Variants in SNRNP200 observed in about 807,000 individuals in gnomAD.
The protein encoded by SNRNP200 is U5 small nuclear ribonucleoprotein 200 kDa helicase.
Under a neutral mutation model 255.2 loss-of-function variants are expected in SNRNP200, and 66 were observed. That is an observed-to-expected ratio of 0.26 (90% CI 0.21 to 0.32). The LOEUF is 0.32. Among genes scored for constraint, SNRNP200 ranks in the 10% least tolerant of loss-of-function variants. SNRNP200 has a pLI of 1.00. For missense variants in SNRNP200, 1,585 were observed against 2,749.8 expected, an observed-to-expected ratio of 0.58 and a Z score of 9.47; for synonymous variants, 939 against 1,027.8, an observed-to-expected ratio of 0.91 and a Z score of 1.65.
At chr2:96,279,636 C>A in intron 35 of SNRNP200, 77 bp from the exon 36 acceptor site, 4 of 878,348 alleles carry the variant, frequency 4.6e-6, no homozygotes, top group South Asian at 4.2e-5. Context: ...ACTCCCTTCG[C>A]CAAGTAAGAG....
intron 13 of SNRNP200, among the ~76,000 whole-genome samples, chr2:96,296,070 C>T (rs2063915095): frequency 6.6e-6 from 1 of 152,066 alleles, no homozygotes; most frequent in Non-Finnish European, 1.5e-5. Context: ...GAAGTTAAGG[C>T]TGCAGTGAGC....
At chr2:96,302,549 G>A (rs895592862) in intron 3 of SNRNP200, among the ~76,000 whole-genome samples, 5 of 152,188 alleles carry the variant, frequency 3.3e-5, no homozygotes, top group African/African-American at 1.2e-4. Context: ...GTGGACACAA[G>A]CTGGGGGTCC....
rs548219706 is a variant in SNRNP200 at position 96,286,768 on chromosome 2, T to C, written c.3749A>G (p.His1250Arg). ...LLKAKYAQDE[H>R]LITFFVPVFE... ...GACAGGCACGAAGAATGTAATGAGG[T>C]GCTCGTCCTGGGCGTACTTGGCCTT... is the stretch of plus-strand genomic sequence containing the variant. The change falls in exon 28 of 45, where the codon CAC becomes CGC. Residue 1250 changes from histidine (H) to arginine (R), a missense_variant. His to Arg is a conservative substitution (Grantham distance 29). Coordinates refer to ENST00000323853, the MANE Select transcript of SNRNP200 (RefSeq NM_014014.5). This position sits in a 1 kb window ranked among gnomAD's most constrained non-coding sequence, Gnocchi z 4.8. The C allele has an allele frequency of 6.2e-7, 1 of 1,614,128 alleles. No homozygotes were observed. The highest frequency in any genetic ancestry group is 8.5e-7 in the Non-Finnish European group (1 of 1,180,022).
intron 24 of SNRNP200, among the ~76,000 whole-genome samples, 175 bp from the exon 25 acceptor site, chr2:96,288,144 G>A (rs1352702752): frequency 2.0e-5 from 3 of 152,154 alleles, no homozygotes; most frequent in African/African-American, 2.4e-5. Context: ...GATGCTTGCC[G>A]GATGGGGAAC....
At chr2:96,279,614 T>G (rs1684726142) in intron 35 of SNRNP200, 55 bp from the exon 36 acceptor site, 5 of 1,177,460 alleles carry the variant, frequency 4.2e-6, no homozygotes, top group Non-Finnish European at 6.3e-6. Flanking sequence ...GAGACCATGC[T>G]CAGGAAGCCC....
In SNRNP200 at chr2:96,277,778, G is replaced by A. The variant is rs1405765058; in HGVS notation, c.5754+29C>T. On this transcript the variant is annotated intron_variant, in intron 40 of 44. Transcript: ENST00000323853. This position sits in a 1 kb window ranked among gnomAD's most constrained non-coding sequence, Gnocchi z 4.4. ...GAGCTGAGATGTTTAGAGCACCACTGACCCCTCTGCCCCACACCCACACTC... is the reference window on the plus strand; with the variant it reads ...GAGCTGAGATGTTTAGAGCACCACTAACCCCTCTGCCCCACACCCACACTC... 1.2e-5 allele frequency: 20 copies of A among 1,614,128 alleles called. No homozygotes were observed. Among genetic ancestry groups the A allele is most frequent in the Non-Finnish European group, 1.6e-5 (19 of 1,180,010 alleles).
chr2:96,286,318 C>T lies in SNRNP200; in HGVS notation c.3996G>A (p.Gln1332=). ...AGGGATGGAAACACTTACCCTGGGT[C>T]TGGATGGGATTGAAGAAAGGAAATT... ...QDKFPFFNPI[Q]TQVFNTVYNS... The change falls in exon 29 of 45, where the codon CAG becomes CAA. Residue 1332 remains glutamine, a synonymous_variant. Coordinates refer to ENST00000323853, the MANE Select transcript of SNRNP200 (RefSeq NM_014014.5). The surrounding 1 kb of genome is among the most constrained non-coding windows in gnomAD (Gnocchi z 4.8). 1 of 1,613,994 alleles carries T rather than the reference C, an allele frequency of 6.2e-7. No homozygotes were observed.
In SNRNP200 at chr2:96,286,119, T is replaced by C. The variant is rs1361675015; in HGVS notation, c.4003+192A>G. On this transcript the variant is annotated intron_variant, in intron 29 of 44. Coordinates refer to ENST00000323853, the MANE Select transcript of SNRNP200 (RefSeq NM_014014.5). The surrounding 1 kb of genome is among the most constrained non-coding windows in gnomAD (Gnocchi z 4.8). Reference sequence around the variant, plus strand: ...GCCTTGCTCTATTGCCCCTCCACAGTGACACATGCAGAGCAGCAAAGCAAC... The same window carrying C: ...GCCTTGCTCTATTGCCCCTCCACAGCGACACATGCAGAGCAGCAAAGCAAC... Among the ~76,000 whole-genome samples, 1 of 152,084 alleles carries C rather than the reference T, an allele frequency of 6.6e-6. No individual in the cohort carries two copies. Among genetic ancestry groups the C allele is most frequent in the East Asian group, 1.9e-4 (1 of 5,196 alleles).
At position 96,274,920 on chromosome 2, in the gene SNRNP200, C is replaced by T; in HGVS notation, c.*92G>A. Reference sequence around the variant, plus strand: ...CCTGGCTGGCCAGACCTGAGGCCCACAGACCTGGTCCCCACAACCAGGATT... The same window carrying T: ...CCTGGCTGGCCAGACCTGAGGCCCATAGACCTGGTCCCCACAACCAGGATT... On this transcript the variant is annotated 3_prime_UTR_variant, in exon 45 of 45. Coordinates refer to ENST00000323853, the MANE Select transcript of SNRNP200 (RefSeq NM_014014.5). 6.7e-7 allele frequency: 1 copy of T among 1,503,126 alleles called. No individual in the cohort carries two copies. Among genetic ancestry groups the T allele is most frequent in the Non-Finnish European group, 9.2e-7 (1 of 1,085,136 alleles). 93.1% of individuals were successfully genotyped at this position (1,503,126 alleles called of 1,614,324 possible).
chr2:96,296,845 G>A (rs772926296), intron 12 of SNRNP200, 88 bp downstream of exon 12: 51 of 1,572,436 alleles, frequency 3.2e-5, no homozygotes, highest in Non-Finnish European at 4.5e-5. Context: ...CAAAGAATTA[G>A]GGGGTGGGGG....
intron 3 of SNRNP200, 37 bp downstream of exon 3, chr2:96,303,122 T>C: frequency 1.2e-6 from 2 of 1,605,920 alleles, no homozygotes; most frequent in South Asian, 2.2e-5. Context: ...GAAAATGAAA[T>C]AAAGACCTAA....
chr2:96,289,081 C>A lies in SNRNP200; in HGVS notation c.3130G>T (p.Val1044Leu), dbSNP rs755983089. The A allele has an allele frequency of 1.6e-4, 257 of 1,613,278 alleles. No homozygotes were observed. The highest frequency in any genetic ancestry group is 2.1e-4 in the Non-Finnish European group (250 of 1,179,762). Residue 1044 changes from valine to leucine, a missense_variant, in exon 23 of 45, where the codon GTG becomes TTG. Physicochemically the swap from Val to Leu is conservative, Grantham distance 32. Around this residue, in one of 9 missense-constraint regions of SNRNP200, gnomAD observed 719 missense variants for 1,091.1 expected, o/e 0.66. Transcript: ENST00000323853. ...ATGCTCTCCTTTACAGGGATAGGCACCCTCTCCAGCAACTTCTGCAGCTCC... is the reference window on the plus strand; with the variant it reads ...ATGCTCTCCTTTACAGGGATAGGCAACCTCTCCAGCAACTTCTGCAGCTCC... The part of the protein sequence containing the change: ...KLELQKLLER[V>L]PIPVKESIEE...
chr2:96,282,397 A>G (rs557523418), intron 34 of SNRNP200: 3 of 190,882 alleles, frequency 1.6e-5, no homozygotes, highest in South Asian at 1.0e-4. Context: ...TTTGCACAAA[A>G]TGCCACAGGG....
rs1684691260 is a variant in SNRNP200, at chr2:96,277,724, G to T, written c.5755-9C>A. ...TGGATGAGCCGGATTGCCTGAACAG[G>T]AAAAGGAGTATAAAAGTGGGCGGAG... On this transcript the variant is annotated splice_polypyrimidine_tract_variant and intron_variant, in intron 40 of 44. Transcript: ENST00000323853. This position sits in a 1 kb window ranked among gnomAD's most constrained non-coding sequence, Gnocchi z 4.4. 1 of 1,614,000 alleles carries T rather than the reference G, an allele frequency of 6.2e-7. No individual in the cohort carries two copies. The highest frequency in any genetic ancestry group is 1.3e-5 in the African/African-American group (1 of 74,912).
chr2:96,292,458 A>C (rs1171788880), intron 16 of SNRNP200, among the ~76,000 whole-genome samples: 1 of 152,020 alleles, frequency 6.6e-6, no homozygotes, highest in African/African-American at 2.4e-5. Flanking sequence ...AACATTGCTC[A>C]ACTCGACTTT....
intron 36 of SNRNP200, 29 bp downstream of exon 36, chr2:96,279,422 C>T: frequency 1.4e-6 from 2 of 1,405,888 alleles, no homozygotes; most frequent in African/African-American, 1.4e-5. Flanking sequence ...GGCTACGGAT[C>T]CAAGAGGCTC....
At chr2:96,301,832 A>G in intron 3 of SNRNP200, 116 bp from the exon 4 acceptor site, 2 of 1,018,172 alleles carry the variant, frequency 2.0e-6, no homozygotes, top group Non-Finnish European at 3.0e-6. Context: ...CCTGCCACAT[A>G]CTAGGCTCTG....
Position 96,286,454 on chromosome 2 carries a change from C to T in SNRNP200, c.3860G>A (p.Arg1287Gln), listed in dbSNP as rs1482554317. The T allele has an allele frequency of 5.0e-6, 8 of 1,614,078 alleles. No individual in the cohort carries two copies. The highest frequency in any genetic ancestry group is 1.1e-5 in the South Asian group (1 of 91,064). Residue 1287 changes from arginine (R) to glutamine (Q), a missense_variant, in exon 29 of 45, where the codon CGG becomes CAG. By Grantham distance (43) the Arg-to-Gln change is conservative (BLOSUM62 1). Coordinates refer to ENST00000323853, the MANE Select transcript of SNRNP200 (RefSeq NM_014014.5). The surrounding 1 kb of genome is among the most constrained non-coding windows in gnomAD (Gnocchi z 4.8). ...SCETQLPVSF[R>Q]HLILPEKYPP... ...GTACTTCTCCGGCAAGATCAGGTGC[C>T]GGAAGGAGACAGGCAGCTGGGTCTC...
chr2:96,284,173 A>C, intron 31 of SNRNP200, 169 bp from the exon 32 acceptor site: 1 of 849,968 alleles, frequency 1.2e-6, no homozygotes, highest in Non-Finnish European at 1.9e-6. Context: ...AACCTCCACT[A>C]AACAATACTG....
Sources: allele counts gnomAD v4.1 joint callset (sites outside exome capture counted in the v4.1 genomes callset), GRCh38; gene constraint gnomAD v4.1.1; regional missense constraint gnomAD v4.1.1; non-coding constraint Gnocchi (gnomAD v3.1); transcripts MANE v1.5; gene names NCBI Gene and HGNC (gene_info 2026-07-23, HGNC 2026-07-21).